The following ZDHHC20 variants were observed in gnomAD, a reference collection of about 807,000 sequenced individuals.
The protein encoded by ZDHHC20 is zDHHC palmitoyltransferase 20.
A neutral mutation model predicts 57.8 loss-of-function variants in ZDHHC20; 43 were observed. The ratio of observed to expected loss-of-function variants is 0.74; its 90% CI spans 0.58 to 0.96. The LOEUF (loss-of-function observed/expected upper bound fraction) is 0.96, where lower values mean the gene tolerates loss of function less well. Ranked by LOEUF, ZDHHC20 falls within the 40% of genes least tolerant of loss-of-function variation. ZDHHC20 has a pLI of 0.00. For synonymous variants in ZDHHC20, 157 were observed against 153.0 expected, an observed-to-expected ratio of 1.03 and a Z score of -0.19; for missense variants, 391 against 441.1, an observed-to-expected ratio of 0.89 and a Z score of 1.02.
At chr13:21,422,474 T>C (rs1366426504) in intron 2 of ZDHHC20, among the ~76,000 whole-genome samples, 1 of 152,148 alleles carries the variant, frequency 6.6e-6, no homozygotes, top group Non-Finnish European at 1.5e-5. Context: ...GAAATTGTAT[T>C]GGGTTCATGC....
chr13:21,392,297 T>G (rs1875875301), intron 7 of ZDHHC20, among the ~76,000 whole-genome samples: 3 of 152,140 alleles, frequency 2.0e-5, no homozygotes, highest in Admixed American at 1.3e-4. Flanking sequence ...TCTTTTGTAC[T>G]TTATGTATAT....
At chr13:21,453,871 G>A (rs1186007213) in intron 1 of ZDHHC20, among the ~76,000 whole-genome samples, 1 of 152,074 alleles carries the variant, frequency 6.6e-6, no homozygotes, top group Non-Finnish European at 1.5e-5. Flanking sequence ...CTTTGGGAAA[G>A]GGTCTTGCTC....
At chr13:21,406,019 A>C (rs1301853506) in intron 4 of ZDHHC20, among the ~76,000 whole-genome samples, 1 of 152,190 alleles carries the variant, frequency 6.6e-6, no homozygotes, top group African/African-American at 2.4e-5. Flanking sequence ...AAAACCACTA[A>C]GGACTGAGTG....
intron 1 of ZDHHC20, among the ~76,000 whole-genome samples, chr13:21,432,902 C>A (rs1254304461): frequency 6.6e-6 from 1 of 152,106 alleles, no homozygotes; most frequent in Non-Finnish European, 1.5e-5. Flanking sequence ...ATTAAATTAA[C>A]CTGGAATTTT....
rs913183374 is a variant in ZDHHC20 at position 21,375,133 on chromosome 13, A to G, written c.*1563T>C. ...TGGGAGACAGAGCAAAACTCTGTGG[A>G]AAAAAGAAGAAAAAAATTTATTGGG... On this transcript the variant is annotated 3_prime_UTR_variant, in exon 13 of 13. Coordinates refer to ENST00000400590, the MANE Select transcript of ZDHHC20 (RefSeq NM_001330059.2). The G allele has an allele frequency of 1.5e-5, 7 of 456,350 alleles. No individual in the cohort carries two copies. The highest frequency in any genetic ancestry group is 4.7e-5 in the Admixed American group (2 of 42,556). 28.3% of individuals were successfully genotyped at this position (456,350 alleles called of 1,614,324 possible). A position where few individuals can be genotyped will look rare whatever the true frequency, so the allele number is the denominator to read the frequency against.
intron 1 of ZDHHC20, among the ~76,000 whole-genome samples, chr13:21,442,835 A>G (rs1566112192): frequency 6.6e-6 from 1 of 152,034 alleles, no homozygotes; most frequent in Non-Finnish European, 1.5e-5. Context: ...TGGATACTGA[A>G]TTAGTTCTCT....
At chr13:21,434,335 CAAT>C (rs1291012872) in intron 1 of ZDHHC20, among the ~76,000 whole-genome samples, 1 of 84,898 alleles carries the variant, frequency 1.2e-5, no homozygotes, top group African/African-American at 3.5e-5. Flanking sequence ...GAGATAATGA[CAAT>C]AACACTGCCA....
intron 1 of ZDHHC20, among the ~76,000 whole-genome samples, chr13:21,454,957 G>C (rs777217542): frequency 7.5e-5 from 11 of 146,842 alleles, no homozygotes; most frequent in Admixed American, 1.3e-4. Flanking sequence ...GTCTCGCTCT[G>C]TCGCCCAGGC....
At chr13:21,441,542 C>T (rs1430519880) in intron 1 of ZDHHC20, among the ~76,000 whole-genome samples, 18 of 142,884 alleles carry the variant, frequency 1.3e-4, no homozygotes, top group African/African-American at 3.6e-4. Context: ...CCCGCCACCA[C>T]GCCCGGCTTT....
At chr13:21,383,421 G>A (rs1036499378) in intron 9 of ZDHHC20, among the ~76,000 whole-genome samples, 1 of 152,158 alleles carries the variant, frequency 6.6e-6, no homozygotes, top group Admixed American at 6.5e-5. Flanking sequence ...ATGATAGTGA[G>A]GCCTCCTCAG....
At chr13:21,417,754 T>G (rs1231888891) in intron 3 of ZDHHC20, among the ~76,000 whole-genome samples, 1 of 152,104 alleles carries the variant, frequency 6.6e-6, no homozygotes, top group Non-Finnish European at 1.5e-5. Context: ...TTTTGCTTTT[T>G]AGACCCAATC....
At chr13:21,380,531 T>A (rs985927604) in intron 11 of ZDHHC20, among the ~76,000 whole-genome samples, 3 of 151,266 alleles carry the variant, frequency 2.0e-5, no homozygotes, top group Non-Finnish European at 2.9e-5. Flanking sequence ...TGGTGGCTCA[T>A]GCCTATAATC....
At chr13:21,382,083 C>G in intron 10 of ZDHHC20, 1 of 396,804 alleles carries the variant, frequency 2.5e-6, no homozygotes, top group Admixed American at 2.8e-5. Flanking sequence ...ATGGGCCAGA[C>G]ACGATGCTAG....
chr13:21,416,445 T>C (rs1879988493), intron 3 of ZDHHC20, among the ~76,000 whole-genome samples: 2 of 152,314 alleles, frequency 1.3e-5, no homozygotes, highest in African/African-American at 2.4e-5. Context: ...TATTTAAATA[T>C]ATATTAAATG....
intron 1 of ZDHHC20, among the ~76,000 whole-genome samples, chr13:21,455,608 T>C (rs946590676): frequency 6.0e-5 from 9 of 151,260 alleles, no homozygotes; most frequent in Admixed American, 2.0e-4. Context: ...CTCAATTTTG[T>C]CCTCAGTATT....
intron 4 of ZDHHC20, among the ~76,000 whole-genome samples, chr13:21,407,618 TTTAA>T (rs1263357910): frequency 6.6e-6 from 1 of 152,214 alleles, no homozygotes; most frequent in African/African-American, 2.4e-5. Flanking sequence ...GCAGAAGCTC[TTTAA>T]TTAGATGCCA....
At chr13:21,449,062 T>C (rs1482817133) in intron 1 of ZDHHC20, among the ~76,000 whole-genome samples, 1 of 131,780 alleles carries the variant, frequency 7.6e-6, no homozygotes, top group East Asian at 2.0e-4. Flanking sequence ...TCTCAAGTAA[T>C]CAGGGACACA....
At chr13:21,437,840 C>T (rs796213991) in intron 1 of ZDHHC20, among the ~76,000 whole-genome samples, 5 of 152,134 alleles carry the variant, frequency 3.3e-5, no homozygotes, top group East Asian at 1.9e-4. Flanking sequence ...TACAGGCGCC[C>T]GCCACCACGC....
intron 1 of ZDHHC20, among the ~76,000 whole-genome samples, chr13:21,442,974 C>A (rs1281025319): frequency 6.6e-6 from 1 of 152,154 alleles, no homozygotes; most frequent in African/African-American, 2.4e-5. Flanking sequence ...CATGGACCAT[C>A]CACAGCAAGA....
Sources: allele counts gnomAD v4.1 joint callset (sites outside exome capture counted in the v4.1 genomes callset), GRCh38; gene constraint gnomAD v4.1.1; transcripts MANE v1.5; gene names NCBI Gene and HGNC (gene_info 2026-07-23, HGNC 2026-07-21).